ADH1A: variants seen among roughly 807,000 people sequenced by gnomAD.
The protein encoded by ADH1A is alcohol dehydrogenase 1A (class I), alpha polypeptide, also known as alcohol dehydrogenase 1A.
In ADH1A, 29 loss-of-function variants were observed where a neutral mutation model predicts 35.2. The observed-to-expected ratio is 0.82, with a 90% CI of 0.61 to 1.12. ADH1A has a LOEUF of 1.12. Ranked by LOEUF, ADH1A falls within the 50% of genes most tolerant of loss-of-function variation. The pLI is 0.00. For synonymous variants in ADH1A, 147 were observed against 164.8 expected (o/e 0.89, Z 0.83); for missense variants, 469 against 464.7 (o/e 1.01, Z -0.09).
intron 3 of ADH1A, among the ~76,000 whole-genome samples, chr4:99,285,755 T>C (rs28364304): frequency 0.11 from 17,443 of 151,982 alleles, 1,313 homozygotes; most frequent in Admixed American, 0.25. Flanking sequence ...CTAAAGTGAT[T>C]TTTTAGACTG....
intron 1 of ADH1A, among the ~76,000 whole-genome samples, 179 bp from the exon 2 acceptor site, chr4:99,287,844 A>G (rs958855878): frequency 1.3e-5 from 2 of 152,230 alleles, no homozygotes; most frequent in Non-Finnish European, 2.9e-5. Flanking sequence ...AAAAGCAATA[A>G]CATAAGGAAA....
intron 8 of ADH1A, 32 bp downstream of exon 8, chr4:99,279,394 A>C (rs1321533531): frequency 6.3e-7 from 1 of 1,575,888 alleles, no homozygotes. Flanking sequence ...GTAGAAAAAA[A>C]AGCAAAACAG....
intron 1 of ADH1A, 53 bp downstream of exon 1, chr4:99,290,844 C>G (rs1733270892): frequency 1.9e-6 from 3 of 1,545,002 alleles, no homozygotes; most frequent in Non-Finnish European, 2.7e-6. Context: ...GTATTACTTT[C>G]TTTGTTATAT....
chr4:99,287,006 G>A lies in ADH1A; in HGVS notation c.121-18C>T, dbSNP rs1733168960. On this transcript the variant is annotated intron_variant, in intron 2 of 8. Coordinates refer to ENST00000209668, the MANE Select transcript of ADH1A (RefSeq NM_000667.4). Reference sequence around the variant, plus strand: ...GCCACCATCTACAGAGTGAAGAGAAGATGTTTATAAAAGATTGTGAGTCTC... The same window carrying A: ...GCCACCATCTACAGAGTGAAGAGAAAATGTTTATAAAAGATTGTGAGTCTC... The A allele has an allele frequency of 1.2e-6, 2 of 1,604,262 alleles. No homozygotes were observed. The highest frequency in any genetic ancestry group is 1.7e-6 in the Non-Finnish European group (2 of 1,177,246).
chr4:99,279,685 GT>G, intron 7 of ADH1A, 121 bp from the exon 8 acceptor site: 1 of 1,212,278 alleles, frequency 8.2e-7, no homozygotes, highest in South Asian at 1.4e-5. Flanking sequence ...AACGACTGAG[GT>G]TAATAAGAGA....
At chr4:99,282,663 T>C in intron 5 of ADH1A, 57 bp from the exon 6 acceptor site, 1 of 1,571,440 alleles carries the variant, frequency 6.4e-7, no homozygotes, top group Non-Finnish European at 8.6e-7. Context: ...GTGCCATGCT[T>C]AGTGTTTATC....
At chr4:99,276,744 T>C in intron 8 of ADH1A, 96 bp from the exon 9 acceptor site, 1 of 1,197,638 alleles carries the variant, frequency 8.3e-7, no homozygotes, top group Non-Finnish European at 1.2e-6. Context: ...AAAATCTGTC[T>C]GTTCTCAGCC....
rs192978446 is a variant in ADH1A at position 99,277,667 on chromosome 4, T to C, written c.1104-1019A>G. Among the ~76,000 whole-genome samples the C allele has an allele frequency of 3.3e-3, 496 of 152,184 alleles. 3 individuals are homozygous for C. The highest frequency in any genetic ancestry group is 0.011 in the African/African-American group (477 of 41,560). ...GTTGTTGAAAATGTGCGATATTGTA[T>C]ATAAAATTTATATTCTTTATTATAT... On this transcript the variant is annotated intron_variant, in intron 8 of 8. Coordinates refer to ENST00000209668, the MANE Select transcript of ADH1A (RefSeq NM_000667.4).
At chr4:99,280,340 G>A (rs1030796307) in intron 6 of ADH1A, 61 bp from the exon 7 acceptor site, 31 of 1,606,898 alleles carry the variant, frequency 1.9e-5, no homozygotes, top group Non-Finnish European at 2.6e-5. Context: ...TATTCATAAT[G>A]CACAATATCA....
At chr4:99,279,265 G>T (rs1399847837) in intron 8 of ADH1A, among the ~76,000 whole-genome samples, 161 bp downstream of exon 8, 1 of 152,056 alleles carries the variant, frequency 6.6e-6, no homozygotes. Flanking sequence ...TCTCACAGAG[G>T]TTTTAAACTT....
intron 8 of ADH1A, among the ~76,000 whole-genome samples, chr4:99,278,125 G>T (rs948384454): frequency 2.6e-5 from 4 of 151,982 alleles, no homozygotes; most frequent in Non-Finnish European, 5.9e-5. Flanking sequence ...CTCATAAAGT[G>T]AATTTAGGCA....
intron 6 of ADH1A, among the ~76,000 whole-genome samples, chr4:99,280,885 C>T (rs538790391): frequency 6.6e-6 from 1 of 152,048 alleles, no homozygotes; most frequent in Non-Finnish European, 1.5e-5. Flanking sequence ...CTCAAAAGAC[C>T]GTTCAGAAAG....
At chr4:99,281,960 T>C (rs1045718046) in intron 6 of ADH1A, 1 of 229,648 alleles carries the variant, frequency 4.4e-6, no homozygotes, top group South Asian at 7.7e-5. Flanking sequence ...TAAGAACATA[T>C]GCAAAATTAT....
chr4:99,289,959 G>C (rs1232010245), intron 1 of ADH1A, among the ~76,000 whole-genome samples: 1 of 152,112 alleles, frequency 6.6e-6, no homozygotes, highest in East Asian at 1.9e-4. Flanking sequence ...ATATGAACCT[G>C]TTTTGTCACA....
At chr4:99,281,446 T>C (rs1732998723) in intron 6 of ADH1A, among the ~76,000 whole-genome samples, 2 of 152,200 alleles carry the variant, frequency 1.3e-5, no homozygotes, top group African/African-American at 2.4e-5. Context: ...TTCATATCAA[T>C]AACGCCAACT....
chr4:99,289,969 A>T (rs959038463), intron 1 of ADH1A, among the ~76,000 whole-genome samples: 1 of 152,180 alleles, frequency 6.6e-6, no homozygotes, highest in East Asian at 1.9e-4. Flanking sequence ...GTTTTGTCAC[A>T]GAGTGTATAG....
intron 1 of ADH1A, among the ~76,000 whole-genome samples, chr4:99,290,368 A>C (rs1579496709): frequency 6.6e-6 from 1 of 152,292 alleles, no homozygotes; most frequent in African/African-American, 2.4e-5. Context: ...GTCTTGATTA[A>C]CCTTGATGAT....
At chr4:99,289,074 T>C (rs1733228095) in intron 1 of ADH1A, among the ~76,000 whole-genome samples, 1 of 152,188 alleles carries the variant, frequency 6.6e-6, no homozygotes, top group African/African-American at 2.4e-5. Context: ...TGATGTTTGG[T>C]TCTCCATTTC....
chr4:99,289,737 C>T (rs1270575809), intron 1 of ADH1A, among the ~76,000 whole-genome samples: 2 of 152,130 alleles, frequency 1.3e-5, no homozygotes, highest in African/African-American at 4.8e-5. Context: ...TTGTCTATTT[C>T]ATCAGTTATT....
Sources: gnomAD v4.1 joint callset for allele counts (sites outside exome capture counted in the v4.1 genomes callset) on GRCh38, gnomAD v4.1.1 for gene constraint, MANE v1.5 for transcripts, NCBI Gene and HGNC (gene_info 2026-07-23, HGNC 2026-07-21) for gene names.